TULP3: variants seen among roughly 807,000 people sequenced by gnomAD.
The protein encoded by TULP3 is tubby-related protein 3.
A neutral mutation model predicts 50.7 loss-of-function variants in TULP3; 38 were observed. The observed-to-expected ratio is 0.75, with a 90% CI of 0.58 to 0.98. The LOEUF is 0.98. Among genes scored for constraint, TULP3 ranks in the 50% least tolerant of loss-of-function variants. The probability of loss-of-function intolerance (pLI) is 0.00; values close to 1 mark genes in which losing one functional copy is unlikely to be tolerated. For synonymous variants in TULP3, 183 were observed against 196.6 expected, an observed-to-expected ratio of 0.93 and a Z score of 0.58; for missense variants, 550 against 568.0, an observed-to-expected ratio of 0.97 and a Z score of 0.32.
At chr12:2,894,391 C>T (rs2098174187) in intron 1 of TULP3, among the ~76,000 whole-genome samples, 1 of 151,882 alleles carries the variant, frequency 6.6e-6, no homozygotes, top group South Asian at 2.1e-4. Flanking sequence ...CAAAACTTAG[C>T]CAGGCATGGT....
chr12:2,928,040 A>G (rs577954807), intron 4 of TULP3, among the ~76,000 whole-genome samples: 1 of 152,354 alleles, frequency 6.6e-6, no homozygotes, highest in African/African-American at 2.4e-5. Flanking sequence ...TCCAGATTAT[A>G]TACTCCATGA....
intron 4 of TULP3, among the ~76,000 whole-genome samples, chr12:2,926,829 C>T (rs1192820610): frequency 1.3e-5 from 2 of 152,178 alleles, no homozygotes; most frequent in East Asian, 3.8e-4. Flanking sequence ...ATCGATTGAA[C>T]GTTGTGGGTG....
At chr12:2,925,674 A>T (rs756939180) in intron 4 of TULP3, among the ~76,000 whole-genome samples, 2 of 152,198 alleles carry the variant, frequency 1.3e-5, no homozygotes, top group African/African-American at 4.8e-5. Flanking sequence ...TTTTACTACC[A>T]CTATTTTTAC....
chr12:2,930,161 T>A, intron 4 of TULP3, 87 bp from the exon 5 acceptor site: 1 of 958,670 alleles, frequency 1.0e-6, no homozygotes, highest in Non-Finnish European at 1.6e-6. Flanking sequence ...TAAGAATGTT[T>A]TAAGCAAGAA....
intron 1 of TULP3, among the ~76,000 whole-genome samples, chr12:2,892,678 AT>A (rs376821240): frequency 5.9e-4 from 90 of 151,690 alleles, no homozygotes; most frequent in Middle Eastern, 6.8e-3. Context: ...CGCCCAGCTA[AT>A]TTTTGTATTT....
chr12:2,937,538 T>C (rs1255093828), intron 8 of TULP3, 93 bp from the exon 9 acceptor site: 1 of 919,750 alleles, frequency 1.1e-6, no homozygotes, highest in African/African-American at 1.7e-5. Context: ...ATTGTCAGCA[T>C]CTTACATTCC....
At chr12:2,899,744 T>G (rs902730526) in intron 1 of TULP3, among the ~76,000 whole-genome samples, 2 of 151,364 alleles carry the variant, frequency 1.3e-5, no homozygotes, top group Non-Finnish European at 2.9e-5. Context: ...ATACAAAAAA[T>G]TAGCCGGGTG....
In TULP3 at chr12:2,938,103, C is replaced by G. The variant is rs546351964; in HGVS notation, c.1024-11C>G. On this transcript the variant is annotated splice_polypyrimidine_tract_variant and intron_variant, in intron 9 of 10. Coordinates refer to ENST00000448120, the MANE Select transcript of TULP3 (RefSeq NM_003324.5). ...TTCTCAGTACAAAGTAATGATTTTC[C>G]CTTTGGACAGAACCATGACAGTTTG... 6.2e-7 allele frequency: 1 copy of G among 1,613,974 alleles called. No individual in the cohort carries two copies. The highest frequency in any genetic ancestry group is 1.1e-5 in the South Asian group (1 of 91,056).
rs373158822 is a variant in TULP3 at position 2,899,704 on chromosome 12, T to A, written c.41+8716T>A. ...GTCAGAAGTTCGAGACCATCCTGGC[T>A]AACACAGTGAAACCCTGTCTCTACT... On this transcript the variant is annotated intron_variant, in intron 1 of 10. Transcript: ENST00000448120. Among the ~76,000 whole-genome samples the A allele has an allele frequency of 1.7e-4, 26 of 151,936 alleles. No homozygotes were observed. The South Asian group carries it at 5.4e-3, about 32-fold the overall frequency.
rs199562240 is a variant in TULP3 at position 2,890,901 on chromosome 12, C to T, written c.-47C>T. 1.3e-6 allele frequency: 2 copies of T among 1,539,062 alleles called. No homozygotes were observed. Among genetic ancestry groups the T allele is most frequent in the East Asian group, 2.5e-5 (1 of 40,182 alleles). On this transcript the variant is annotated 5_prime_UTR_variant, in exon 1 of 11. In the 5' UTR this introduces an upstream ATG that the reference lacks. Coordinates refer to ENST00000448120, the MANE Select transcript of TULP3 (RefSeq NM_003324.5). ...CGTGCCAGCCTAGCCACTCTAGCGA[C>T]GGCGGGGAAGAGTGTGTACGTGGTG...
chr12:2,899,894 AAAAAAAAACAAAC>A lies in TULP3; in HGVS notation c.41+8915_41+8927del, dbSNP rs760431517. On this transcript the variant is annotated intron_variant, in intron 1 of 10. Transcript: ENST00000448120. ...GGCGACAGAGCGAGACTCCGTCTCA[AAAAAAAAACAAAC>A]AAAAAAAAAAACAAAAAAAACTTGG... Among the ~76,000 whole-genome samples, 86 of 69,244 alleles carry A rather than the reference AAAAAAAAACAAAC, an allele frequency of 1.2e-3. 5 individuals are homozygous for A. Among genetic ancestry groups the A allele is most frequent in the African/African-American group, 7.0e-3 (82 of 11,718 alleles). 45.4% of individuals were successfully genotyped at this position (69,244 alleles called of 152,430 possible). A position where few individuals can be genotyped will look rare whatever the true frequency, so the allele number is the denominator to read the frequency against.
rs1252153626 is a variant in TULP3 at position 2,939,225 on chromosome 12, C to T, written c.1196-86C>T. On this transcript the variant is annotated intron_variant, in intron 10 of 10. Transcript: ENST00000448120. The surrounding 1 kb of genome is among the most constrained non-coding windows in gnomAD (Gnocchi z 4.0). ...CAGCCAGGGCGACAGAGCAAAACCC[C>T]ATCTAAGAAAAGGAAGAAAAAGAAA... 5 of 1,462,968 alleles carry T rather than the reference C, an allele frequency of 3.4e-6. No individual in the cohort carries two copies. The highest frequency in any genetic ancestry group is 4.7e-6 in the Non-Finnish European group (5 of 1,067,310). The allele number at this position is 1,462,968 out of a possible 1,614,324, so 90.6% of individuals were successfully genotyped here. A position where few individuals can be genotyped will look rare whatever the true frequency, so the allele number is the denominator to read the frequency against.
intron 4 of TULP3, among the ~76,000 whole-genome samples, chr12:2,926,565 T>G (rs2098194799): frequency 6.6e-6 from 1 of 152,110 alleles, no homozygotes; most frequent in South Asian, 2.1e-4. Flanking sequence ...AAGTAACAAC[T>G]CTTTTGAGAT....
intron 2 of TULP3, among the ~76,000 whole-genome samples, chr12:2,915,982 T>C (rs951794771): frequency 6.6e-6 from 1 of 152,058 alleles, no homozygotes; most frequent in African/African-American, 2.4e-5. Context: ...TCTAGGAAAA[T>C]TGAGAATTAG....
In TULP3 at chr12:2,890,918, T is replaced by G. The variant is rs2098171393; in HGVS notation, c.-30T>G. On this transcript the variant is annotated 5_prime_UTR_variant, in exon 1 of 11. Coordinates refer to ENST00000448120, the MANE Select transcript of TULP3 (RefSeq NM_003324.5). ...TCTAGCGACGGCGGGGAAGAGTGTG[T>G]ACGTGGTGGGGGCTTCCTCGGTGGC... 3.8e-6 allele frequency: 6 copies of G among 1,581,646 alleles called. No individual in the cohort carries two copies. The highest frequency in any genetic ancestry group is 5.2e-6 in the Non-Finnish European group (6 of 1,164,506).
chr12:2,931,731 TTA>T (rs2098198162), intron 6 of TULP3, among the ~76,000 whole-genome samples: 1 of 152,194 alleles, frequency 6.6e-6, no homozygotes, highest in Non-Finnish European at 1.5e-5. Flanking sequence ...TAATTTTGTA[TTA>T]ATACCAGGTC....
intron 4 of TULP3, among the ~76,000 whole-genome samples, chr12:2,926,750 A>AATTCCACT: frequency 7.8e-6 from 1 of 128,318 alleles, no homozygotes; most frequent in Non-Finnish European, 1.6e-5. Flanking sequence ...AAAATTCAAA[A>AATTCCACT]AAAAGTAGCC....
intron 4 of TULP3, among the ~76,000 whole-genome samples, chr12:2,929,981 A>G (rs2098196994): frequency 6.6e-6 from 1 of 152,164 alleles, no homozygotes; most frequent in Non-Finnish European, 1.5e-5. Context: ...CATCACTACC[A>G]TCCATCTCCA....
chr12:2,908,280 A>G (rs189636855), intron 1 of TULP3, among the ~76,000 whole-genome samples: 1 of 152,330 alleles, frequency 6.6e-6, no homozygotes. Context: ...TTCTGGCGCT[A>G]AGTTCCCAGT....
Sources: allele counts gnomAD v4.1 joint callset (sites outside exome capture counted in the v4.1 genomes callset), GRCh38; gene constraint gnomAD v4.1.1; non-coding constraint Gnocchi (gnomAD v3.1); transcripts MANE v1.5; gene names NCBI Gene and HGNC (gene_info 2026-07-23, HGNC 2026-07-21).